The following ADK variants were observed in gnomAD, a reference collection of about 807,000 sequenced individuals.
The protein encoded by ADK is N6,N6-dimethyladenosine kinase.
A neutral mutation model predicts 44.7 loss-of-function variants in ADK; 24 were observed. That is an observed-to-expected ratio of 0.54 (90% CI 0.39 to 0.76). ADK has a LOEUF of 0.76. Among genes scored for constraint, ADK ranks in the 30% least tolerant of loss-of-function variants. The pLI is 0.00. For synonymous variants in ADK, 128 were observed against 142.6 expected (o/e 0.90, Z 0.73); for missense variants, 321 against 425.1 (o/e 0.76, Z 2.15).
chr10:74,206,234 C>T (rs748017644), intron 2 of ADK, among the ~76,000 whole-genome samples: 1 of 151,998 alleles, frequency 6.6e-6, no homozygotes, highest in Non-Finnish European at 1.5e-5. Context: ...ATATGGGAAG[C>T]AAGAATTGAA....
intron 2 of ADK, among the ~76,000 whole-genome samples, chr10:74,221,373 A>G (rs1189270877): frequency 6.6e-6 from 1 of 150,564 alleles, no homozygotes; most frequent in Non-Finnish European, 1.5e-5. Flanking sequence ...ATAAAAGAGG[A>G]TACAAACAAA....
At position 74,472,655 on chromosome 10, in the gene ADK, G is replaced by A. The variant is rs533548472; in HGVS notation, c.556-52601G>A. Among the ~76,000 whole-genome samples the A allele has an allele frequency of 4.6e-5, 7 of 152,136 alleles. No individual in the cohort carries two copies. The South Asian group carries it at 8.3e-4, about 18-fold the overall frequency. ...ACTAGCTACATGTGGCTCTTTACCT[G>A]TACATTTTTAAAAATTAAAGTTTAA... On this transcript the variant is annotated intron_variant, in intron 6 of 10. Transcript: ENST00000539909.
At position 74,525,443 on chromosome 10, in the gene ADK, T is replaced by G; in HGVS notation, c.726+17T>G. ...AATGAGACAGTGAGTTACCTTTCCTTTTTCAAAAGAACCTGGGGGTTTTTT... is the reference window on the plus strand; with the variant it reads ...AATGAGACAGTGAGTTACCTTTCCTGTTTCAAAAGAACCTGGGGGTTTTTT... On this transcript the variant is annotated intron_variant, in intron 7 of 10. Transcript: ENST00000539909. 6.2e-7 allele frequency: 1 copy of G among 1,601,904 alleles called. No homozygotes were observed. The highest frequency in any genetic ancestry group is 8.5e-7 in the Non-Finnish European group (1 of 1,172,682).
At chr10:74,390,020 ATTAT>A (rs1392919228) in intron 4 of ADK, among the ~76,000 whole-genome samples, 4 of 152,220 alleles carry the variant, frequency 2.6e-5, no homozygotes, top group African/African-American at 4.8e-5. Flanking sequence ...TTGATGACAA[ATTAT>A]TTAAGTAATC....
chr10:74,341,070 C>G (rs1280620419), intron 4 of ADK, among the ~76,000 whole-genome samples: 2 of 152,062 alleles, frequency 1.3e-5, no homozygotes, highest in African/African-American at 4.8e-5. Flanking sequence ...AACACTTGTT[C>G]TCATTTCATT....
At chr10:74,571,836 G>A (rs1160475779) in intron 7 of ADK, among the ~76,000 whole-genome samples, 1 of 152,076 alleles carries the variant, frequency 6.6e-6, no homozygotes, top group Non-Finnish European at 1.5e-5. Flanking sequence ...GCTTTTGAAT[G>A]TGTTTGCTCT....
intron 7 of ADK, among the ~76,000 whole-genome samples, chr10:74,544,166 T>A (rs1849744431): frequency 6.6e-6 from 1 of 152,252 alleles, no homozygotes; most frequent in Non-Finnish European, 1.5e-5. Context: ...ACATGTTTCT[T>A]TTACACTAGA....
chr10:74,227,372 C>T (rs1406013443), intron 3 of ADK, among the ~76,000 whole-genome samples: 2 of 152,092 alleles, frequency 1.3e-5, no homozygotes, highest in South Asian at 2.1e-4. Flanking sequence ...TATAAGAGTA[C>T]CAATAAGAGA....
intron 6 of ADK, among the ~76,000 whole-genome samples, chr10:74,515,475 C>T (rs1848531022): frequency 6.6e-6 from 1 of 152,216 alleles, no homozygotes; most frequent in South Asian, 2.1e-4. Flanking sequence ...AACCTGGGGA[C>T]ATGCCTGCCA....
intron 1 of ADK, among the ~76,000 whole-genome samples, chr10:74,181,139 C>T (rs1228223443): frequency 6.6e-6 from 1 of 152,096 alleles, no homozygotes; most frequent in Non-Finnish European, 1.5e-5. Flanking sequence ...CAAGTTCACA[C>T]AGTTACATAT....
chr10:74,696,621 C>T (rs988748805), intron 10 of ADK, among the ~76,000 whole-genome samples: 6 of 152,052 alleles, frequency 3.9e-5, no homozygotes, highest in African/African-American at 1.2e-4. Context: ...CTGCCCGCCT[C>T]GGCCTCCCAA....
chr10:74,193,910 A>G (rs1055002151), intron 1 of ADK, among the ~76,000 whole-genome samples: 14 of 152,198 alleles, frequency 9.2e-5, no homozygotes, highest in Admixed American at 5.2e-4. Context: ...CTAGGTGGTT[A>G]AGATCAGTTG....
chr10:74,338,493 T>C (rs1841483408), intron 4 of ADK, among the ~76,000 whole-genome samples: 1 of 152,184 alleles, frequency 6.6e-6, no homozygotes, highest in South Asian at 2.1e-4. Flanking sequence ...TAATTTGTAA[T>C]TGCCTCAAAC....
intron 3 of ADK, among the ~76,000 whole-genome samples, chr10:74,227,899 G>T (rs1226123145): frequency 6.6e-6 from 1 of 152,082 alleles, no homozygotes; most frequent in African/African-American, 2.4e-5. Context: ...AGTCCCAGCT[G>T]CTCAGGAAGC....
At chr10:74,627,505 G>A (rs935129024) in intron 9 of ADK, among the ~76,000 whole-genome samples, 1 of 151,594 alleles carries the variant, frequency 6.6e-6, no homozygotes, top group Non-Finnish European at 1.5e-5. Context: ...TTTCGAAATG[G>A]CCTCAGGTTT....
intron 9 of ADK, among the ~76,000 whole-genome samples, chr10:74,652,496 C>T (rs986257557): frequency 7.2e-5 from 11 of 152,018 alleles, no homozygotes; most frequent in Admixed American, 2.0e-4. Context: ...TGTGGTGGCT[C>T]ATACCTGTAA....
intron 3 of ADK, among the ~76,000 whole-genome samples, chr10:74,266,280 C>G (rs556961334): frequency 6.6e-6 from 1 of 152,098 alleles, no homozygotes; most frequent in African/African-American, 2.4e-5. Context: ...GAAAGGCGGC[C>G]GGGCACAGTG....
intron 1 of ADK, among the ~76,000 whole-genome samples, chr10:74,164,078 C>T (rs1841972084): frequency 6.6e-6 from 1 of 152,178 alleles, no homozygotes; most frequent in Non-Finnish European, 1.5e-5. Flanking sequence ...CATAGGATAG[C>T]ATGTTGATGC....
intron 3 of ADK, among the ~76,000 whole-genome samples, chr10:74,237,687 C>A (rs1591911544): frequency 6.6e-6 from 1 of 152,278 alleles, no homozygotes; most frequent in Non-Finnish European, 1.5e-5. Flanking sequence ...AAAATTACTT[C>A]TTGATTTGGG....
Sources: allele counts gnomAD v4.1 joint callset (sites outside exome capture counted in the v4.1 genomes callset), GRCh38; gene constraint gnomAD v4.1.1; transcripts MANE v1.5; gene names NCBI Gene and HGNC (gene_info 2026-07-23, HGNC 2026-07-21).